The following NUDT8 variants were observed in gnomAD, a reference collection of about 807,000 sequenced individuals.
NUDT8 encodes mitochondrial coenzyme A diphosphatase NUDT8.
A neutral mutation model predicts 12.5 loss-of-function variants in NUDT8; 14 were observed. The observed-to-expected ratio is 1.12, with a 90% CI of 0.74 to 1.75. The LOEUF is 1.75. Among genes scored for constraint, NUDT8 ranks in the 40% most tolerant of loss-of-function variants. NUDT8 has a pLI of 0.00. For missense variants in NUDT8, 337 were observed against 318.5 expected, an observed-to-expected ratio of 1.06 and a Z score of -0.44; for synonymous variants, 163 against 156.2, an observed-to-expected ratio of 1.04 and a Z score of -0.33.
chr11:67,628,145 A>G lies in NUDT8; in HGVS notation c.512T>C (p.Phe171Ser). The G allele has an allele frequency of 6.2e-7, 1 of 1,601,328 alleles. No homozygotes were observed. Among genetic ancestry groups the G allele is most frequent in the Non-Finnish European group, 8.5e-7 (1 of 1,179,816 alleles). Reference sequence around the variant, plus strand: ...CCAGACCCGGTGTGGTCCATGCAGGAAGACGGGTAGTGTGTAGCGGAAGTG... The same window carrying G: ...CCAGACCCGGTGTGGTCCATGCAGGGAGACGGGTAGTGTGTAGCGGAAGTG... ...GGHFRYTLPVFLHGPHRVWGL... is the reference protein window; with the variant it reads ...GGHFRYTLPVSLHGPHRVWGL... Residue 171 changes from phenylalanine to serine, a missense_variant, in exon 4 of 4, where the codon TTC becomes TCC. Transcript: ENST00000376693.
At chr11:67,628,506 T>C (rs1199691497) in intron 2 of NUDT8, 106 bp from the exon 3 acceptor site, 1 of 947,844 alleles carries the variant, frequency 1.1e-6, no homozygotes, top group East Asian at 2.6e-5. Context: ...AGGCCTTTGG[T>C]AGTCATGTTC....
At position 67,629,834 on chromosome 11, in the gene NUDT8, G is replaced by A. The variant is rs2134095697; in HGVS notation, c.78C>T (p.Arg26=). ...GCACCGCGGCCGACGCGGGCCGCGC[G>A]CGGAGCCGGGCCGTGGCCCCTGCCA... ...RLLAGATARL[R]ARPASAAVLV... Residue 26 remains arginine (R), a synonymous_variant, in exon 1 of 4, where the codon CGC becomes CGT. Coordinates refer to ENST00000376693, the MANE Select transcript of NUDT8 (RefSeq NM_001243750.2). 1.5e-6 allele frequency: 2 copies of A among 1,330,214 alleles called. No homozygotes were observed. The highest frequency in any genetic ancestry group is 3.1e-5 in the East Asian group (1 of 32,406). The allele number at this position is 1,330,214 out of a possible 1,614,324, so 82.4% of individuals were successfully genotyped here.
Position 67,628,001 on chromosome 11 carries a change from G to T in NUDT8, c.656C>A (p.Pro219His). The T allele has an allele frequency of 6.3e-7, 1 of 1,597,632 alleles. No individual in the cohort carries two copies. Among genetic ancestry groups the T allele is most frequent in the Non-Finnish European group, 8.5e-7 (1 of 1,179,320 alleles). The change falls in exon 4 of 4, where the codon CCC becomes CAC. Residue 219 changes from proline (P) to histidine (H), a missense_variant. Coordinates refer to ENST00000376693, the MANE Select transcript of NUDT8 (RefSeq NM_001243750.2). ...GAEGLARPKQ[P>H]LASPCQASST... ...GCTGGCCTGACAGGGTGAAGCCAGG[G>T]GCTGCTTAGGGCGGGCCAGACCCTC...
At chr11:67,629,141 C>A in intron 1 of NUDT8, 90 bp from the exon 2 acceptor site, 3 of 1,370,638 alleles carry the variant, frequency 2.2e-6, no homozygotes, top group East Asian at 2.4e-5. Flanking sequence ...ACTGGCCCAC[C>A]GAAGTGTCGC....
Position 67,629,787 on chromosome 11 carries a change from C to T in NUDT8, c.125G>A (p.Arg42His), listed in dbSNP as rs769952154. 4 of 1,523,442 alleles carry T rather than the reference C, an allele frequency of 2.6e-6. No individual in the cohort carries two copies. Among genetic ancestry groups the T allele is most frequent in the South Asian group, 2.4e-5 (2 of 83,038 alleles). The allele number at this position is 1,523,442 out of a possible 1,614,324, so 94.4% of individuals were successfully genotyped here. A position where few individuals can be genotyped will look rare whatever the true frequency, so the allele number is the denominator to read the frequency against. Residue 42 changes from arginine (R) to histidine (H), a missense_variant, in exon 1 of 4, where the codon CGT (arginine) becomes CAT (histidine). Arg to His is a conservative substitution (Grantham distance 29). Coordinates refer to ENST00000376693, the MANE Select transcript of NUDT8 (RefSeq NM_001243750.2). Reference sequence around the variant, plus strand: ...CGTGTACAGCAGCGCCGGGACCCCACGCACTGAGCAGAGCGGCACGAGCAC... The same window carrying T: ...CGTGTACAGCAGCGCCGGGACCCCATGCACTGAGCAGAGCGGCACGAGCAC... ...AAVLVPLCSV[R>H]GVPALLYTLR...
intron 1 of NUDT8, 42 bp downstream of exon 1, chr11:67,629,676 T>A (rs984963184): frequency 7.8e-7 from 1 of 1,286,032 alleles, no homozygotes; most frequent in Non-Finnish European, 1.0e-6. Flanking sequence ...CCCGGGCTCC[T>A]GTAGCCTCCG....
rs1855148738 is a variant in NUDT8 at position 67,628,341 on chromosome 11, G to A, written c.387C>T (p.Leu129=). ...AGVGPLDPQS[L]RPNSEEVDEV... ...AGCTCACCTCCTCCGAGTTGGGCCT[G>A]AGGCTCTGGGGATCCAGTGGGCCTA... is the stretch of plus-strand genomic sequence containing the variant. The change falls in exon 3 of 4, where the codon CTC becomes CTT. Residue 129 remains leucine, a synonymous_variant. Transcript: ENST00000376693. 1 of 1,613,842 alleles carries A rather than the reference G, an allele frequency of 6.2e-7. No homozygotes were observed. Among genetic ancestry groups the A allele is most frequent in the African/African-American group, 1.3e-5 (1 of 74,954 alleles).
At chr11:67,629,532 C>T in intron 1 of NUDT8, 186 bp downstream of exon 1, 1 of 405,222 alleles carries the variant, frequency 2.5e-6, no homozygotes, top group Non-Finnish European at 4.4e-6. Flanking sequence ...GGCAGGTGCA[C>T]CGGGGCCGAC....
rs35181012 is a variant in NUDT8 at position 67,628,163 on chromosome 11, C to T, written c.494G>A (p.Arg165His). ...YTHFCRGGHF[R>H]YTLPVFLHGP... ...ATGCAGGAAGACGGGTAGTGTGTAG[C>T]GGAAGTGGCCACCCCGGCAGAAGTG... is the stretch of plus-strand genomic sequence containing the variant. The change falls in exon 4 of 4, where the codon CGC becomes CAC. Residue 165 changes from arginine (R) to histidine (H), a missense_variant. Arg to His is a conservative substitution (Grantham distance 29). Coordinates refer to ENST00000376693, the MANE Select transcript of NUDT8 (RefSeq NM_001243750.2). 0.036 allele frequency: 58,446 copies of T among 1,604,138 alleles called. 1,196 individuals carry two copies. The highest frequency in any genetic ancestry group is 0.061 in the Middle Eastern group (369 of 6,060).
Position 67,628,195 on chromosome 11 carries a change from G to T in NUDT8, c.462C>A (p.Gly154=). ...LAHLLQTQNQ[G]YTHFCRGGHF... ...GGCCACCCCGGCAGAAGTGGGTATA[G>T]CCCTGATTCTGCGTCTGCAGCAGGT... The change falls in exon 4 of 4, where the codon GGC becomes GGA. Residue 154 remains glycine, a synonymous_variant. Coordinates refer to ENST00000376693, the MANE Select transcript of NUDT8 (RefSeq NM_001243750.2). 6.2e-7 allele frequency: 1 copy of T among 1,610,916 alleles called. No homozygotes were observed. Among genetic ancestry groups the T allele is most frequent in the Non-Finnish European group, 8.5e-7 (1 of 1,179,826 alleles).
chr11:67,629,831 C>G lies in NUDT8; in HGVS notation c.81G>C (p.Ala27=). 7.3e-7 allele frequency: 1 copy of G among 1,362,770 alleles called. No homozygotes were observed. The highest frequency in any genetic ancestry group is 9.4e-7 in the Non-Finnish European group (1 of 1,058,672). 84.4% of individuals were successfully genotyped at this position (1,362,770 alleles called of 1,614,324 possible). The change falls in exon 1 of 4, where the codon GCG becomes GCC. Residue 27 remains alanine, a synonymous_variant. Transcript: ENST00000376693. The stretch of plus-strand genomic sequence containing the variant: ...CGAGCACCGCGGCCGACGCGGGCCG[C>G]GCGCGGAGCCGGGCCGTGGCCCCTG... The part of the protein sequence containing the change: ...LLAGATARLR[A]RPASAAVLVP...
Position 67,629,846 on chromosome 11 carries a change from C to A in NUDT8, c.66G>T (p.Thr22=). Residue 22 remains threonine, a synonymous_variant, in exon 1 of 4, where the codon ACG becomes ACT. Coordinates refer to ENST00000376693, the MANE Select transcript of NUDT8 (RefSeq NM_001243750.2). ...LRCRRLLAGA[T]ARLRARPASA... ...ACGCGGGCCGCGCGCGGAGCCGGGC[C>A]GTGGCCCCTGCCAGCAGCCGGCGGC... 7.8e-7 allele frequency: 1 copy of A among 1,280,162 alleles called. No homozygotes were observed. Among genetic ancestry groups the A allele is most frequent in the Non-Finnish European group, 9.8e-7 (1 of 1,021,166 alleles). The allele number at this position is 1,280,162 out of a possible 1,614,324, so 79.3% of individuals were successfully genotyped here.
At chr11:67,629,086 T>C (rs1256496181) in intron 1 of NUDT8, 35 bp from the exon 2 acceptor site, 2 of 1,576,824 alleles carry the variant, frequency 1.3e-6, no homozygotes, top group Non-Finnish European at 1.7e-6. Context: ...CCTTGGACTC[T>C]TGGGGCCACG....
In NUDT8 at chr11:67,629,007, T is replaced by C; in HGVS notation, c.239A>G (p.His80Arg). The C allele has an allele frequency of 6.2e-7, 1 of 1,613,000 alleles. No homozygotes were observed. The highest frequency in any genetic ancestry group is 8.5e-7 in the Non-Finnish European group (1 of 1,179,818). Reference sequence around the variant, plus strand: ...CTCCCGGGTTTCCCGCAGGGCCGTGTGCACCACATCTTGGTCAGCCGGGTC... The same window carrying C: ...CTCCCGGGTTTCCCGCAGGGCCGTGCGCACCACATCTTGGTCAGCCGGGTC... ...KCDPADQDVV[H>R]TALRETREEL... Residue 80 changes from histidine to arginine, a missense_variant, in exon 2 of 4, where the codon CAC becomes CGC. Transcript: ENST00000376693.
intron 1 of NUDT8, chr11:67,629,439 A>T (rs1855169916): frequency 2.6e-6 from 1 of 391,212 alleles, no homozygotes; most frequent in African/African-American, 2.1e-5. Flanking sequence ...TCTAAGCGGG[A>T]AACAGCTCAA....
Position 67,629,897 on chromosome 11 carries a change from G to A in NUDT8, c.15C>T (p.Cys5=), listed in dbSNP as rs1855185257. 8.1e-7 allele frequency: 1 copy of A among 1,237,228 alleles called. No individual in the cohort carries two copies. Among genetic ancestry groups the A allele is most frequent in the Non-Finnish European group, 1.0e-6 (1 of 994,496 alleles). The allele number at this position is 1,237,228 out of a possible 1,614,324, so 76.6% of individuals were successfully genotyped here. A position where few individuals can be genotyped will look rare whatever the true frequency, so the allele number is the denominator to read the frequency against. ...AGCGCAGCTCGCCCTCGGCCGACAG[G>A]CAGTCGGGCAGCATGTCAAGTCCTG... MLPD[C]LSAEGELRCR... is the part of the protein sequence containing the mutation. Residue 5 remains cysteine, a synonymous_variant, in exon 1 of 4, where the codon TGC becomes TGT. Transcript: ENST00000376693.
chr11:67,629,899 A>C lies in NUDT8; in HGVS notation c.13T>G (p.Cys5Gly). 8.1e-7 allele frequency: 1 copy of C among 1,236,448 alleles called. No homozygotes were observed. The highest frequency in any genetic ancestry group is 1.0e-6 in the Non-Finnish European group (1 of 994,020). The allele number at this position is 1,236,448 out of a possible 1,614,324, so 76.6% of individuals were successfully genotyped here. A position where few individuals can be genotyped will look rare whatever the true frequency, so the allele number is the denominator to read the frequency against. MLPDCLSAEGELRCR... is the reference protein window; with the variant it reads MLPDGLSAEGELRCR... ...CGCAGCTCGCCCTCGGCCGACAGGC[A>C]GTCGGGCAGCATGTCAAGTCCTGCG... Residue 5 changes from cysteine to glycine, a missense_variant, in exon 1 of 4, where the codon TGC (cysteine) becomes GGC (glycine). Cys to Gly is a radical substitution (Grantham distance 159). Transcript: ENST00000376693.
At position 67,628,086 on chromosome 11, in the gene NUDT8, G is replaced by T. The variant is rs768734371; in HGVS notation, c.571C>A (p.Gln191Lys). Reference sequence around the variant, plus strand: ...TGGTAGGTACCAGGTGCCAGCAGCTGCAGGGCAAACTCAGTGATGACAGCT... The same window carrying T: ...TGGTAGGTACCAGGTGCCAGCAGCTTCAGGGCAAACTCAGTGATGACAGCT... ...LTAVITEFAL[Q>K]LLAPGTYQPR... is the part of the protein sequence containing the mutation. The change falls in exon 4 of 4, where the codon CAG becomes AAG. Residue 191 changes from glutamine (Q) to lysine (K), a missense_variant. Physicochemically the swap from Gln to Lys is moderately conservative, Grantham distance 53. Coordinates refer to ENST00000376693, the MANE Select transcript of NUDT8 (RefSeq NM_001243750.2). The T allele has an allele frequency of 3.8e-6, 6 of 1,598,366 alleles. No individual in the cohort carries two copies. The African/African-American group carries it at 5.3e-5, about 14-fold the overall frequency.
intron 2 of NUDT8, 76 bp from the exon 3 acceptor site, chr11:67,628,476 A>G: frequency 1.5e-6 from 2 of 1,304,408 alleles, no homozygotes; most frequent in Non-Finnish European, 2.2e-6. Flanking sequence ...GTGTGAGAGG[A>G]AGACCCCTTT....
Sources: gnomAD v4.1 joint callset for allele counts on GRCh38, gnomAD v4.1.1 for gene constraint, MANE v1.5 for transcripts, NCBI Gene and HGNC (gene_info 2026-07-23, HGNC 2026-07-21) for gene names.